The following HSBP1 variants were observed in gnomAD, a reference collection of about 807,000 sequenced individuals.
The protein encoded by HSBP1 is heat shock factor-binding protein 1.
In HSBP1, 5 loss-of-function variants were observed where a neutral mutation model predicts 9.6. The observed-to-expected ratio is 0.52, with a 90% confidence interval of 0.27 to 1.09. The LOEUF (loss-of-function observed/expected upper bound fraction) is 1.09. Ranked by LOEUF, HSBP1 falls within the 50% of genes least tolerant of loss-of-function variation. The pLI is 0.11. For synonymous variants in HSBP1, 42 were observed against 33.3 expected (o/e 1.26, Z -0.90); for missense variants, 121 against 96.3 (o/e 1.26, Z -1.07).
chr16:83,809,044 G>T, intron 2 of HSBP1: 1 of 546,864 alleles, frequency 1.8e-6, no homozygotes, highest in Non-Finnish European at 3.2e-6. Flanking sequence ...CCTTATGAGT[G>T]GGTTGTAGTG....
At chr16:83,810,417 C>G (rs1904573329) in intron 3 of HSBP1, among the ~76,000 whole-genome samples, 1 of 143,864 alleles carries the variant, frequency 7.0e-6, no homozygotes. Context: ...TCATTTATAA[C>G]ATTTTAATTC....
rs1359390338 is a variant in HSBP1, at chr16:83,813,456, T to C, written c.*2038T>C. On this transcript the variant is annotated 3_prime_UTR_variant, in exon 4 of 4. Coordinates refer to ENST00000433866, the MANE Select transcript of HSBP1 (RefSeq NM_001537.4). ...GCCTGAAGCTCCTGGGCTCAGGCAGTCCTCCTGCCTCAGCCTCCCAAGTAG... is the reference window on the plus strand; with the variant it reads ...GCCTGAAGCTCCTGGGCTCAGGCAGCCCTCCTGCCTCAGCCTCCCAAGTAG... 1 of 152,400 alleles carries C rather than the reference T, an allele frequency of 6.6e-6. No individual in the cohort carries two copies. The highest frequency in any genetic ancestry group is 1.5e-5 in the Non-Finnish European group (1 of 68,290). The allele number at this position is 152,400 out of a possible 1,614,324, so 9.4% of individuals were successfully genotyped here.
rs982214502 is a variant in HSBP1, at chr16:83,814,885, T to A, written c.*3467T>A. 1 of 152,122 alleles carries A rather than the reference T, an allele frequency of 6.6e-6. No homozygotes were observed. The highest frequency in any genetic ancestry group is 2.4e-5 in the African/African-American group (1 of 41,406). 9.4% of individuals were successfully genotyped at this position (152,122 alleles called of 1,614,324 possible). On this transcript the variant is annotated 3_prime_UTR_variant, in exon 4 of 4. Coordinates refer to ENST00000433866, the MANE Select transcript of HSBP1 (RefSeq NM_001537.4). ...GAACCACAGGTTTTCACATTGGTTT[T>A]CCATGCCTATACCTGTCCTGTCTCC...
Position 83,816,301 on chromosome 16 carries a change from G to A in HSBP1, c.*4883G>A, listed in dbSNP as rs930830546. The stretch of plus-strand genomic sequence containing the variant: ...TGTAATCCCAGTTGCTCGGGAGGCT[G>A]AGGGAGGAGGATCGCTTGAACTCAG... On this transcript the variant is annotated 3_prime_UTR_variant, in exon 4 of 4. Transcript: ENST00000433866. 14 of 152,226 alleles carry A rather than the reference G, an allele frequency of 9.2e-5. No individual in the cohort carries two copies. The highest frequency in any genetic ancestry group is 3.4e-4 in the African/African-American group (14 of 41,446). 9.4% of individuals were successfully genotyped at this position (152,226 alleles called of 1,614,324 possible).
chr16:83,808,013 G>A lies in HSBP1; in HGVS notation c.-64G>A, dbSNP rs1904498497. On this transcript the variant is annotated 5_prime_UTR_variant, in exon 1 of 4. Coordinates refer to ENST00000433866, the MANE Select transcript of HSBP1 (RefSeq NM_001537.4). Reference sequence around the variant, plus strand: ...CGAGAAGCAGCGGCCCGGGGCGACTGAGCGGACAAACGGAAGTGTAGGTTA... The same window carrying A: ...CGAGAAGCAGCGGCCCGGGGCGACTAAGCGGACAAACGGAAGTGTAGGTTA... The A allele has an allele frequency of 7.0e-7, 1 of 1,424,074 alleles. No homozygotes were observed. Among genetic ancestry groups the A allele is most frequent in the Non-Finnish European group, 9.4e-7 (1 of 1,060,590 alleles). 88.2% of individuals were successfully genotyped at this position (1,424,074 alleles called of 1,614,324 possible). A position where few individuals can be genotyped will look rare whatever the true frequency, so the allele number is the denominator to read the frequency against.
chr16:83,809,207 G>A (rs770973297), intron 2 of HSBP1, 98 bp from the exon 3 acceptor site: 7 of 751,444 alleles, frequency 9.3e-6, no homozygotes, highest in East Asian at 5.5e-5. Context: ...TGGAAGACCA[G>A]TTTCCCTAAA....
At chr16:83,808,604 AG>A (rs1904519418) in intron 1 of HSBP1, 75 bp from the exon 2 acceptor site, 1 of 1,191,556 alleles carries the variant, frequency 8.4e-7, no homozygotes, top group East Asian at 2.5e-5. Flanking sequence ...CCCCGGGACC[AG>A]GGCTTGCGTC....
At position 83,808,130 on chromosome 16, in the gene HSBP1, C is replaced by G. The variant is rs1904503149; in HGVS notation, c.45+9C>G. On this transcript the variant is annotated intron_variant, in intron 1 of 3. Coordinates refer to ENST00000433866, the MANE Select transcript of HSBP1 (RefSeq NM_001537.4). ...AGGACCTCACCTCGGTGGTAAGGGA[C>G]GGCTGTGAGGGCCGGAGGCCGCGGC... The G allele has an allele frequency of 3.9e-6, 6 of 1,544,584 alleles. No individual in the cohort carries two copies. The highest frequency in any genetic ancestry group is 5.2e-6 in the Non-Finnish European group (6 of 1,143,626).
chr16:83,816,902 C>T lies in HSBP1; in HGVS notation c.*5484C>T, dbSNP rs561817184. 8 of 152,308 alleles carry T rather than the reference C, an allele frequency of 5.3e-5. No individual in the cohort carries two copies. In the East Asian group the frequency reaches 5.8e-4, roughly 11 times the overall value. The allele number at this position is 152,308 out of a possible 1,614,324, so 9.4% of individuals were successfully genotyped here. On this transcript the variant is annotated 3_prime_UTR_variant, in exon 4 of 4. Transcript: ENST00000433866. ...TCAGAAAGGAAATCAGAATGGCTAT[C>T]GGGTGGACAACCTACAGTGTTTGCT...
rs996893473 is a variant in HSBP1 at position 83,813,493 on chromosome 16, G to A, written c.*2075G>A. On this transcript the variant is annotated 3_prime_UTR_variant, in exon 4 of 4. Transcript: ENST00000433866. ...AGCCTCCCAAGTAGCTAATATTACA[G>A]GTTCGTGCCACCGCACCTGGGTCTT... 6.6e-6 allele frequency: 1 copy of A among 152,598 alleles called. No individual in the cohort carries two copies. Among genetic ancestry groups the A allele is most frequent in the African/African-American group, 2.4e-5 (1 of 41,438 alleles). The allele number at this position is 152,598 out of a possible 1,614,324, so 9.5% of individuals were successfully genotyped here. A position where few individuals can be genotyped will look rare whatever the true frequency, so the allele number is the denominator to read the frequency against.
At position 83,814,892 on chromosome 16, in the gene HSBP1, CT is replaced by C. The variant is rs1904683481; in HGVS notation, c.*3475del. On this transcript the variant is annotated 3_prime_UTR_variant, in exon 4 of 4. Transcript: ENST00000433866. ...AGGTTTTCACATTGGTTTTCCATGC[CT>C]ATACCTGTCCTGTCTCCCACAAAAA... 6.6e-6 allele frequency: 1 copy of C among 152,110 alleles called. No homozygotes were observed. The highest frequency in any genetic ancestry group is 1.5e-5 in the Non-Finnish European group (1 of 68,042). The allele number at this position is 152,110 out of a possible 1,614,324, so 9.4% of individuals were successfully genotyped here.
Position 83,811,952 on chromosome 16 carries a change from A to C in HSBP1, c.*534A>C, listed in dbSNP as rs1904610327. ...AATTGTTCATTCAGAAATATCTGTCACTGCTCTGTTGCCAAAACTCAGAAT... is the reference window on the plus strand; with the variant it reads ...AATTGTTCATTCAGAAATATCTGTCCCTGCTCTGTTGCCAAAACTCAGAAT... On this transcript the variant is annotated 3_prime_UTR_variant, in exon 4 of 4. Coordinates refer to ENST00000433866, the MANE Select transcript of HSBP1 (RefSeq NM_001537.4). 6.6e-6 allele frequency: 1 copy of C among 152,582 alleles called. No individual in the cohort carries two copies. Among genetic ancestry groups the C allele is most frequent in the South Asian group, 2.1e-4 (1 of 4,832 alleles). The allele number at this position is 152,582 out of a possible 1,614,324, so 9.5% of individuals were successfully genotyped here. A position where few individuals can be genotyped will look rare whatever the true frequency, so the allele number is the denominator to read the frequency against.
At chr16:83,808,207 C>T in intron 1 of HSBP1, 86 bp downstream of exon 1, 1 of 1,184,226 alleles carries the variant, frequency 8.4e-7, no homozygotes, top group Non-Finnish European at 1.2e-6. Context: ...GCGCCCACCG[C>T]GGCCGCGCGT....
In HSBP1 at chr16:83,809,363, A is replaced by G. The variant is rs774918874; in HGVS notation, c.171A>G (p.Thr57=). The G allele has an allele frequency of 1.6e-5, 26 of 1,605,538 alleles. No homozygotes were observed. The highest frequency in any genetic ancestry group is 2.1e-5 in the Non-Finnish European group (25 of 1,176,018). The change falls in exon 3 of 4, where the codon ACA becomes ACG. Residue 57 remains threonine (T), a synonymous_variant. Transcript: ENST00000433866. ...DLEKNIADLM[T]QAGVEELESE... Reference sequence around the variant, plus strand: ...AAAAGAATATCGCGGACCTCATGACACAGGCTGGGGTGGAAGAACTGGAAA... The same window carrying G: ...AAAAGAATATCGCGGACCTCATGACGCAGGCTGGGGTGGAAGAACTGGAAA...
At position 83,810,205 on chromosome 16, in the gene HSBP1, A is replaced by C. The variant is rs142415789; in HGVS notation, c.*2+780A>C. ...CTTGGTAACTTGACATAGGTGAACT[A>C]GATTGTGGCCACATTAAGCTTTTAC... On this transcript the variant is annotated intron_variant, in intron 3 of 3. Transcript: ENST00000433866. Among the ~76,000 whole-genome samples, 19 of 151,994 alleles carry C rather than the reference A, an allele frequency of 1.3e-4. No homozygotes were observed. The East Asian group carries it at 3.7e-3, about 30-fold the overall frequency.
At position 83,815,261 on chromosome 16, in the gene HSBP1, G is replaced by T. The variant is rs114409589; in HGVS notation, c.*3843G>T. The T allele has an allele frequency of 2.2e-4, 33 of 152,042 alleles. No homozygotes were observed. The highest frequency in any genetic ancestry group is 7.2e-4 in the African/African-American group (30 of 41,454). 9.4% of individuals were successfully genotyped at this position (152,042 alleles called of 1,614,324 possible). A position where few individuals can be genotyped will look rare whatever the true frequency, so the allele number is the denominator to read the frequency against. ...CAAATTAATATGGAAATAGGAAAAG[G>T]GTTTGTTTCAACAAGTCAGGATGAC... On this transcript the variant is annotated 3_prime_UTR_variant, in exon 4 of 4. Transcript: ENST00000433866.
intron 2 of HSBP1, among the ~76,000 whole-genome samples, chr16:83,808,968 C>A (rs1394995079): frequency 6.6e-6 from 1 of 152,224 alleles, no homozygotes; most frequent in Admixed American, 6.5e-5. Flanking sequence ...ATCCTAATAG[C>A]TGGTGTGGTG....
rs1212875342 is a variant in HSBP1 at position 83,815,352 on chromosome 16, G to T, written c.*3934G>T. On this transcript the variant is annotated 3_prime_UTR_variant, in exon 4 of 4. Transcript: ENST00000433866. ...ACTGAGACTCCATCTCTACAAAAAAGTAGAAAAATTAGCCCAGAGTGTGGT... is the reference window on the plus strand; with the variant it reads ...ACTGAGACTCCATCTCTACAAAAAATTAGAAAAATTAGCCCAGAGTGTGGT... The T allele has an allele frequency of 1.3e-5, 2 of 152,062 alleles. No individual in the cohort carries two copies. The highest frequency in any genetic ancestry group is 4.8e-5 in the African/African-American group (2 of 41,400). 9.4% of individuals were successfully genotyped at this position (152,062 alleles called of 1,614,324 possible). A position where few individuals can be genotyped will look rare whatever the true frequency, so the allele number is the denominator to read the frequency against.
In HSBP1 at chr16:83,809,357, C is replaced by T; in HGVS notation, c.165C>T (p.Leu55=). 6.2e-7 allele frequency: 1 copy of T among 1,603,746 alleles called. No individual in the cohort carries two copies. The highest frequency in any genetic ancestry group is 1.3e-5 in the African/African-American group (1 of 74,530). ...IDDLEKNIAD[L]MTQAGVEELE... is the part of the protein sequence containing the mutation. ...ATCTGGAAAAGAATATCGCGGACCT[C>T]ATGACACAGGCTGGGGTGGAAGAAC... Residue 55 remains leucine (L), a synonymous_variant, in exon 3 of 4, where the codon CTC becomes CTT. Coordinates refer to ENST00000433866, the MANE Select transcript of HSBP1 (RefSeq NM_001537.4).
Sources: allele counts gnomAD v4.1 joint callset (sites outside exome capture counted in the v4.1 genomes callset), GRCh38; gene constraint gnomAD v4.1.1; transcripts MANE v1.5; gene names NCBI Gene and HGNC (gene_info 2026-07-23, HGNC 2026-07-21).